LRP6: variants seen among roughly 807,000 people sequenced by gnomAD.
LRP6 encodes low-density lipoprotein receptor-related protein 6.
LRP6 carries 43 observed loss-of-function variants against 184.1 expected under a neutral mutation model. That is an observed-to-expected ratio of 0.23 (90% confidence interval 0.18 to 0.30). The LOEUF is 0.30. LRP6 is among the 10% of genes least tolerant of loss of function. The probability of loss-of-function intolerance (pLI) is 1.00; values close to 1 mark genes in which losing one functional copy is unlikely to be tolerated. For synonymous variants in LRP6, 719 were observed against 684.9 expected (o/e 1.05, Z -0.78); for missense variants, 1,571 against 2,005.3 (o/e 0.78, Z 4.14).
At chr12:12,163,806 A>C (rs1023336206) in intron 9 of LRP6, among the ~76,000 whole-genome samples, 4 of 152,112 alleles carry the variant, frequency 2.6e-5, no homozygotes, top group Non-Finnish European at 5.9e-5. Context: ...GCATCTAATA[A>C]AATACTGAAT....
rs367750779 is a variant in LRP6, at chr12:12,164,511, T to C, written c.1814A>G (p.Tyr605Cys). Residue 605 changes from tyrosine to cysteine, a missense_variant, in exon 9 of 23, where the codon TAT becomes TGT. Transcript: ENST00000261349. ...ENGGCSHLCL[Y>C]RPQGLRCACP... ...AGCACAGCGAAGGCCCTGAGGTCTATAGAGGCAGAGATGGCTACATCCCCC... is the reference window on the plus strand; with the variant it reads ...AGCACAGCGAAGGCCCTGAGGTCTACAGAGGCAGAGATGGCTACATCCCCC... 32 of 1,614,034 alleles carry C rather than the reference T, an allele frequency of 2.0e-5. No individual in the cohort carries two copies. The highest frequency in any genetic ancestry group is 1.9e-5 in the Non-Finnish European group (22 of 1,180,018).
chr12:12,243,166 A>G (rs571461601), intron 2 of LRP6, among the ~76,000 whole-genome samples: 5 of 152,356 alleles, frequency 3.3e-5, no homozygotes, highest in African/African-American at 7.2e-5. Context: ...TTTATTCAAT[A>G]AAGAAATATC....
At chr12:12,227,622 T>A (rs956513497) in intron 2 of LRP6, among the ~76,000 whole-genome samples, 1 of 152,144 alleles carries the variant, frequency 6.6e-6, no homozygotes, top group Non-Finnish European at 1.5e-5. Context: ...TTGGCCAGGC[T>A]GGTCTCGAAC....
intron 3 of LRP6, among the ~76,000 whole-genome samples, chr12:12,189,193 C>T (rs183614884): frequency 6.6e-6 from 1 of 152,236 alleles, no homozygotes. Context: ...GAGCTTAAAT[C>T]CCCCCTTGAC....
intron 7 of LRP6, among the ~76,000 whole-genome samples, chr12:12,171,628 G>C (rs769785742): frequency 6.6e-6 from 1 of 152,176 alleles, no homozygotes; most frequent in Non-Finnish European, 1.5e-5. Context: ...ATCCTCCGAA[G>C]AGATTAAGGG....
chr12:12,121,144 G>A lies in LRP6; in HGVS notation c.4824C>T (p.Pro1608=). 6.2e-7 allele frequency: 1 copy of A among 1,612,626 alleles called. No homozygotes were observed. ...SHHLYPPPPS[P]CTDSS is the part of the protein sequence containing the mutation. ...CCCCTCCTCAGGAGGAGTCTGTACAGGGAGAGGGTGGCGGTGGGTAGAGGT... is the reference window on the plus strand; with the variant it reads ...CCCCTCCTCAGGAGGAGTCTGTACAAGGAGAGGGTGGCGGTGGGTAGAGGT... The change falls in exon 23 of 23, where the codon CCC becomes CCT. Residue 1608 remains proline, a synonymous_variant. Coordinates refer to ENST00000261349, the MANE Select transcript of LRP6 (RefSeq NM_002336.3).
At chr12:12,135,436 T>G (rs1949823602) in intron 16 of LRP6, 136 bp from the exon 17 acceptor site, 1 of 486,226 alleles carries the variant, frequency 2.1e-6, no homozygotes, top group Non-Finnish European at 3.6e-6. Context: ...GACTCTTTTT[T>G]TTTACTTTTA....
At chr12:12,234,321 A>G (rs948610910) in intron 2 of LRP6, among the ~76,000 whole-genome samples, 6 of 152,096 alleles carry the variant, frequency 3.9e-5, no homozygotes, top group Admixed American at 6.5e-5. Flanking sequence ...ATGATGGCAC[A>G]TGCCTGTAGT....
intron 19 of LRP6, among the ~76,000 whole-genome samples, chr12:12,130,092 T>C (rs1949726774): frequency 6.6e-6 from 1 of 152,160 alleles, no homozygotes; most frequent in Admixed American, 6.5e-5. Context: ...ATTCTCTTCA[T>C]TTTGAAGATG....
chr12:12,217,745 G>A (rs1488065026), intron 2 of LRP6, among the ~76,000 whole-genome samples: 1 of 152,136 alleles, frequency 6.6e-6, no homozygotes, highest in African/African-American at 2.4e-5. Flanking sequence ...ATTTATGGTC[G>A]ATTGACTTTC....
intron 7 of LRP6, among the ~76,000 whole-genome samples, chr12:12,175,326 T>C (rs900524748): frequency 2.0e-5 from 3 of 151,696 alleles, no homozygotes; most frequent in Non-Finnish European, 4.4e-5. Flanking sequence ...GAGGCAGAGG[T>C]TGCTGTGAGC....
At chr12:12,238,592 CAATT>C (rs1864980753) in intron 2 of LRP6, among the ~76,000 whole-genome samples, 1 of 152,038 alleles carries the variant, frequency 6.6e-6, no homozygotes, top group South Asian at 2.1e-4. Flanking sequence ...ATCGTACCAA[CAATT>C]AAAGCCATAC....
chr12:12,236,664 G>C (rs1864939494), intron 2 of LRP6, among the ~76,000 whole-genome samples: 1 of 152,170 alleles, frequency 6.6e-6, no homozygotes, highest in African/African-American at 2.4e-5. Context: ...TAAACTGGAT[G>C]TTCCCACAAT....
intron 22 of LRP6, among the ~76,000 whole-genome samples, chr12:12,123,380 C>T (rs926740004): frequency 2.6e-5 from 4 of 152,198 alleles, no homozygotes; most frequent in African/African-American, 9.6e-5. Context: ...AATCAGTTCA[C>T]AGCCAAGGCT....
intron 1 of LRP6, among the ~76,000 whole-genome samples, chr12:12,263,602 A>T (rs1221550071): frequency 1.3e-5 from 2 of 150,536 alleles, no homozygotes; most frequent in East Asian, 2.0e-4. Flanking sequence ...CAGAACTCCG[A>T]GAGGCGGAGG....
chr12:12,196,262 T>C (rs1159116696), intron 3 of LRP6, among the ~76,000 whole-genome samples: 1 of 152,026 alleles, frequency 6.6e-6, no homozygotes, highest in African/African-American at 2.4e-5. Flanking sequence ...GGGACTCCAC[T>C]GAATCTGCAG....
At chr12:12,149,259 T>A in intron 13 of LRP6, 106 bp from the exon 14 acceptor site, 9 of 860,470 alleles carry the variant, frequency 1.0e-5, no homozygotes, top group Non-Finnish European at 1.8e-5. Flanking sequence ...CTGAGAAGGC[T>A]CTCTCAAGTC....
rs141948248 is a variant in LRP6, at chr12:12,250,022, T to C, written c.56-5367A>G. Among the ~76,000 whole-genome samples the C allele has an allele frequency of 2.3e-3, 354 of 152,284 alleles. 1 individual carries two copies. The highest frequency in any genetic ancestry group is 8.3e-3 in the African/African-American group (343 of 41,564). ...TTTTACAAGCATGTCTTTAAATCTG[T>C]CTCCTCTTCTCCATTTTTAAAACCA... On this transcript the variant is annotated intron_variant, in intron 1 of 22. Transcript: ENST00000261349.
intron 15 of LRP6, among the ~76,000 whole-genome samples, chr12:12,145,557 C>G (rs1257210110): frequency 1.1e-4 from 14 of 131,606 alleles, no homozygotes; most frequent in Admixed American, 5.0e-4. Context: ...TTCCCTCTCT[C>G]TCTTTGTTGA....
Sources: gnomAD v4.1 joint callset for allele counts (sites outside exome capture counted in the v4.1 genomes callset) on GRCh38, gnomAD v4.1.1 for gene constraint, MANE v1.5 for transcripts, NCBI Gene and HGNC (gene_info 2026-07-23, HGNC 2026-07-21) for gene names.